Variants in ARHGAP8 observed in about 807,000 individuals in gnomAD.
ARHGAP8 encodes the protein Rho GTPase activating protein 8, also known as rho GTPase-activating protein 8.
In ARHGAP8, 62 loss-of-function variants were observed where a neutral mutation model predicts 46.1. The observed-to-expected ratio is 1.34, with a 90% CI of 1.10 to 1.66. The LOEUF (loss-of-function observed/expected upper bound fraction) is 1.66, where lower values mean the gene tolerates loss of function less well. Among genes scored for constraint, ARHGAP8 ranks in the 40% most tolerant of loss-of-function variants. The pLI is 0.00. For synonymous variants in ARHGAP8, 375 were observed against 243.1 expected, an observed-to-expected ratio of 1.54 and a Z score of -5.05; for missense variants, 923 against 568.4, an observed-to-expected ratio of 1.62 and a Z score of -6.34.
intron 10 of ARHGAP8, 162 bp from the exon 11 acceptor site, chr22:44,859,569 C>G: frequency 1.5e-6 from 1 of 685,654 alleles, no homozygotes. Flanking sequence ...GTTTGCTGAG[C>G]AGAGCCATAC....
chr22:44,809,815 G>C (rs1377123981), intron 4 of ARHGAP8: 1 of 152,560 alleles, frequency 6.6e-6, no homozygotes, highest in African/African-American at 2.4e-5. Context: ...ACAGAAATCT[G>C]CTTCACAGAT....
In ARHGAP8 at chr22:44,859,719, A is replaced by C. The variant is rs142685281; in HGVS notation, c.878-12A>C. ...CCTCTGGAGCTCAGCAGGGAGCCCC[A>C]TGCCCTTCCAGGTGTGGAGAGCAGC... is the stretch of plus-strand genomic sequence containing the variant. On this transcript the variant is annotated splice_polypyrimidine_tract_variant and intron_variant, in intron 10 of 11. Transcript: ENST00000356099. 5.4e-4 allele frequency: 871 copies of C among 1,612,750 alleles called. 6 individuals are homozygous for C. The African/African-American group carries it at 9.5e-3, about 18-fold the overall frequency.
At chr22:44,840,949 C>CTGAGTACCTGG (rs1931612076) in intron 7 of ARHGAP8, among the ~76,000 whole-genome samples, 1 of 152,232 alleles carries the variant, frequency 6.6e-6, no homozygotes, top group Non-Finnish European at 1.5e-5. Context: ...AAGCGCCTCA[C>CTGAGTACCTGG]TGAGTACCTG....
rs201467717 is a variant in ARHGAP8 at position 44,822,397 on chromosome 22, A to G, written c.413A>G (p.Tyr138Cys). ...CACAAGTTTGGGAAGAAAGTCATCT[A>G]TTTCAACTACCTGAGTGAGCTCCAC... is the stretch of plus-strand genomic sequence containing the variant. ...ISHKFGKKVI[Y>C]FNYLSELHEH... is the part of the protein sequence containing the mutation. Residue 138 changes from tyrosine to cysteine, a missense_variant, in exon 6 of 12, where the codon TAT (tyrosine) becomes TGT (cysteine). Physicochemically the swap from Tyr to Cys is radical, Grantham distance 194. Coordinates refer to ENST00000356099, the MANE Select transcript of ARHGAP8 (RefSeq NM_181335.3). The G allele has an allele frequency of 1.8e-5, 29 of 1,583,636 alleles. No homozygotes were observed. Among genetic ancestry groups the G allele is most frequent in the African/African-American group, 6.9e-5 (5 of 72,360 alleles).
chr22:44,773,608 G>C (rs1221346273), intron 1 of ARHGAP8, among the ~76,000 whole-genome samples: 2 of 152,044 alleles, frequency 1.3e-5, no homozygotes, highest in Non-Finnish European at 2.9e-5. Context: ...TTGAGACAGG[G>C]TTTCATTCCT....
intron 8 of ARHGAP8, 61 bp downstream of exon 8, chr22:44,845,403 G>A (rs1449425219): frequency 6.2e-6 from 10 of 1,608,420 alleles, no homozygotes; most frequent in Admixed American, 3.4e-5. Flanking sequence ...CTCTCTGGGT[G>A]GTTTGTCTTG....
intron 7 of ARHGAP8, among the ~76,000 whole-genome samples, chr22:44,830,213 G>A (rs1294442959): frequency 2.0e-5 from 3 of 151,876 alleles, no homozygotes; most frequent in Non-Finnish European, 4.4e-5. Flanking sequence ...TAGTAGAGAC[G>A]GGGTTTTGCC....
At chr22:44,835,245 ATATATT>A (rs1447553247) in intron 7 of ARHGAP8, among the ~76,000 whole-genome samples, 3 of 151,060 alleles carry the variant, frequency 2.0e-5, no homozygotes, top group African/African-American at 7.3e-5. Flanking sequence ...ATATATATAT[ATATATT>A]TAAAGTATTT....
At chr22:44,830,497 AT>A (rs35991194) in intron 7 of ARHGAP8, among the ~76,000 whole-genome samples, 11 of 148,518 alleles carry the variant, frequency 7.4e-5, no homozygotes, top group African/African-American at 2.0e-4. Flanking sequence ...TGCGAGCTAA[AT>A]TTTTTTTTTG....
At chr22:44,808,586 G>T in intron 4 of ARHGAP8, 148 bp downstream of exon 4, 1 of 1,423,198 alleles carries the variant, frequency 7.0e-7, no homozygotes, top group Middle Eastern at 1.8e-4. Context: ...GGGCAGTGGA[G>T]GTTCACCTCC....
At position 44,849,093 on chromosome 22, in the gene ARHGAP8, C is replaced by CT. The variant is rs780763495; in HGVS notation, c.877+35dup. 46 of 1,611,740 alleles carry CT rather than the reference C, an allele frequency of 2.9e-5. No homozygotes were observed. The Middle Eastern group carries it at 8.2e-4, about 29-fold the overall frequency. ...GCTGCCCTGGCGCAGGGGTGGGGGG[C>CT]TTGGTCCTCAGATGCTGTCCCCCAG... On this transcript the variant is annotated intron_variant, in intron 10 of 11. Coordinates refer to ENST00000356099, the MANE Select transcript of ARHGAP8 (RefSeq NM_181335.3).
chr22:44,846,374 A>G (rs925112298), intron 8 of ARHGAP8, among the ~76,000 whole-genome samples: 1 of 152,050 alleles, frequency 6.6e-6, no homozygotes, highest in Non-Finnish European at 1.5e-5. Flanking sequence ...GCCCCTCCTC[A>G]CTTGTAGGCC....
chr22:44,754,373 T>TGTGTGTGA (rs1555907814), intron 1 of ARHGAP8, among the ~76,000 whole-genome samples: 14,890 of 147,186 alleles, frequency 0.1, 871 homozygotes, highest in South Asian at 0.21. Flanking sequence ...TGTGTGTGTG[T>TGTGTGTGA]GACGCAGTTT....
At chr22:44,836,581 A>C (rs1931302973) in intron 7 of ARHGAP8, among the ~76,000 whole-genome samples, 1 of 150,800 alleles carries the variant, frequency 6.6e-6, no homozygotes, top group African/African-American at 2.4e-5. Context: ...CTCAGTGCAC[A>C]GTGGTCACTG....
chr22:44,767,828 G>A (rs867830624), intron 1 of ARHGAP8, among the ~76,000 whole-genome samples: 1 of 147,420 alleles, frequency 6.8e-6, no homozygotes, highest in African/African-American at 2.5e-5. Context: ...AGCCGAGACC[G>A]AGCCACTGCA....
intron 2 of ARHGAP8, among the ~76,000 whole-genome samples, chr22:44,799,319 G>A (rs1353216666): frequency 6.6e-6 from 1 of 152,248 alleles, no homozygotes; most frequent in Non-Finnish European, 1.5e-5. Context: ...CCCTGCCTCT[G>A]TGCTCACAGC....
intron 6 of ARHGAP8, among the ~76,000 whole-genome samples, chr22:44,823,704 T>C (rs1295683170): frequency 6.6e-6 from 1 of 152,048 alleles, no homozygotes; most frequent in Non-Finnish European, 1.5e-5. Context: ...GTGGTGGAAG[T>C]GATTTGGTCT....
At chr22:44,840,776 C>G (rs1261434377) in intron 7 of ARHGAP8, among the ~76,000 whole-genome samples, 1 of 152,188 alleles carries the variant, frequency 6.6e-6, no homozygotes, top group African/African-American at 2.4e-5. Context: ...AGGATGAGGA[C>G]CTGCTTCCTG....
At chr22:44,860,323 A>G (rs1487220253) in intron 11 of ARHGAP8, among the ~76,000 whole-genome samples, 2 of 152,136 alleles carry the variant, frequency 1.3e-5, no homozygotes, top group East Asian at 1.9e-4. Context: ...TCCAAAAGCA[A>G]GGTGTGGCGG....
Sources: gnomAD v4.1 joint callset for allele counts (sites outside exome capture counted in the v4.1 genomes callset) on GRCh38, gnomAD v4.1.1 for gene constraint, MANE v1.5 for transcripts, NCBI Gene and HGNC (gene_info 2026-07-23, HGNC 2026-07-21) for gene names.